The following PSD3 variants were observed in gnomAD, a reference collection of about 807,000 sequenced individuals.
The protein encoded by PSD3 is PH and SEC7 domain-containing protein 3.
PSD3 carries 49 observed loss-of-function variants against 105.5 expected under a neutral mutation model. The observed-to-expected ratio is 0.46, with a 90% CI of 0.37 to 0.59. The LOEUF (loss-of-function observed/expected upper bound fraction) is 0.59. PSD3 is among the 20% of genes least tolerant of loss of function. The pLI is 0.00. For synonymous variants in PSD3, 557 were observed against 457.8 expected, an observed-to-expected ratio of 1.22 and a Z score of -2.77; for missense variants, 1,561 against 1,263.8, an observed-to-expected ratio of 1.24 and a Z score of -3.57.
chr8:18,529,565 C>T lies in PSD3; in HGVS notation c.*6178G>A, dbSNP rs193069289. 2.6e-5 allele frequency: 4 copies of T among 152,742 alleles called. No homozygotes were observed. In the East Asian group the frequency reaches 7.7e-4, roughly 29 times the overall value. The allele number at this position is 152,742 out of a possible 1,614,324, so 9.5% of individuals were successfully genotyped here. ...GGTTACCCTAAATGGAAAGCAACCACTTTACTGTCCCCTAAGCTTCAATTT... is the reference window on the plus strand; with the variant it reads ...GGTTACCCTAAATGGAAAGCAACCATTTTACTGTCCCCTAAGCTTCAATTT... On this transcript the variant is annotated 3_prime_UTR_variant, in exon 16 of 16. Transcript: ENST00000327040.
chr8:18,752,530 T>TA lies in PSD3; in HGVS notation c.2172+12918_2172+12919insT, dbSNP rs543288863. Among the ~76,000 whole-genome samples, 620 of 47,930 alleles carry TA rather than the reference T, an allele frequency of 0.013. 12 individuals carry two copies. In the East Asian group the frequency reaches 0.16, roughly 12 times the overall value. The allele number at this position is 47,930 out of a possible 152,430, so 31.4% of individuals were successfully genotyped here. A position where few individuals can be genotyped will look rare whatever the true frequency, so the allele number is the denominator to read the frequency against. On this transcript the variant is annotated intron_variant, in intron 9 of 15. Transcript: ENST00000327040. Reference sequence around the variant, plus strand: ...TATATAATATATGTAATATATATAATTATATATTATATATATTATATATAA... The same window carrying TA: ...TATATAATATATGTAATATATATAATATATATATTATATATATTATATATAA...
At chr8:18,946,662 G>A (rs1822872520) in intron 1 of PSD3, among the ~76,000 whole-genome samples, 2 of 151,980 alleles carry the variant, frequency 1.3e-5, no homozygotes, top group South Asian at 4.1e-4. Context: ...CATTTTGGGA[G>A]GCCGAGGTGG....
At chr8:18,792,730 A>G (rs943495454) in intron 8 of PSD3, among the ~76,000 whole-genome samples, 4 of 152,202 alleles carry the variant, frequency 2.6e-5, no homozygotes, top group African/African-American at 9.6e-5. Flanking sequence ...TGTTGGTGGG[A>G]CTGTAAACTA....
At chr8:18,968,891 A>G (rs1316091946) in intron 1 of PSD3, among the ~76,000 whole-genome samples, 1 of 151,104 alleles carries the variant, frequency 6.6e-6, no homozygotes, top group East Asian at 1.9e-4. Flanking sequence ...AAAAAAAAAA[A>G]AAAAAAAAAA....
chr8:18,804,360 T>A (rs918488736), intron 6 of PSD3, 162 bp downstream of exon 6: 30 of 606,256 alleles, frequency 4.9e-5, no homozygotes, highest in African/African-American at 4.4e-4. Flanking sequence ...AAATCCAAAA[T>A]CCACAACACT....
intron 8 of PSD3, among the ~76,000 whole-genome samples, chr8:18,778,686 T>A (rs1273636371): frequency 6.6e-6 from 1 of 151,912 alleles, no homozygotes; most frequent in Non-Finnish European, 1.5e-5. Flanking sequence ...AACCCTTTTT[T>A]TGCATTTGAG....
chr8:18,540,364 A>T (rs760091598), intron 15 of PSD3, among the ~76,000 whole-genome samples: 1 of 152,136 alleles, frequency 6.6e-6, no homozygotes. Flanking sequence ...TTATTGCAAT[A>T]CTCTGGAACT....
rs148132488 is a variant in PSD3 at position 18,841,561 on chromosome 8, G to A, written c.1634+26113C>T. On this transcript the variant is annotated intron_variant, in intron 4 of 15. Coordinates refer to ENST00000327040, the MANE Select transcript of PSD3 (RefSeq NM_015310.4). Reference sequence around the variant, plus strand: ...GGGGCTCTCTAGGTCTCATGTGGAAGAGCAGGCATTGTTTGAAGTGGGTAA... The same window carrying A: ...GGGGCTCTCTAGGTCTCATGTGGAAAAGCAGGCATTGTTTGAAGTGGGTAA... Among the ~76,000 whole-genome samples the A allele has an allele frequency of 2.4e-4, 36 of 152,276 alleles. No individual in the cohort carries two copies. The East Asian group carries it at 4.1e-3, about 17-fold the overall frequency.
chr8:18,673,680 T>A (rs115862042), intron 9 of PSD3, among the ~76,000 whole-genome samples: 1 of 152,156 alleles, frequency 6.6e-6, no homozygotes, highest in Non-Finnish European at 1.5e-5. Flanking sequence ...TGAGAAAAAG[T>A]ACATGAGAAA....
At position 19,006,642 on chromosome 8, in the gene PSD3, T is replaced by C. The variant is rs550182618; in HGVS notation, c.21+6921A>G. Among the ~76,000 whole-genome samples the C allele has an allele frequency of 4.5e-4, 69 of 152,222 alleles. 1 individual carries two copies. The highest frequency in any genetic ancestry group is 1.6e-3 in the African/African-American group (66 of 41,564). On this transcript the variant is annotated intron_variant, in intron 1 of 15. Transcript: ENST00000327040. The stretch of plus-strand genomic sequence containing the variant: ...CTTGTCACTACAGAGTATTTGGGGA[T>C]AAAGAGTAAGACCTTTTTCCTCTGT...
chr8:18,828,069 T>TATA (rs534987630), intron 4 of PSD3, among the ~76,000 whole-genome samples: 17 of 97,896 alleles, frequency 1.7e-4, no homozygotes, highest in South Asian at 7.4e-4. Flanking sequence ...ATATATATAT[T>TATA]TTTTTTTTTT....
chr8:18,723,630 G>C (rs991154473), intron 9 of PSD3, among the ~76,000 whole-genome samples: 1 of 152,128 alleles, frequency 6.6e-6, no homozygotes, highest in East Asian at 1.9e-4. Flanking sequence ...TCTCTCCCGA[G>C]GCCTTCCATA....
At chr8:19,060,765 A>G (rs548714172) in intron 1 of PSD3, among the ~76,000 whole-genome samples, 5 of 152,338 alleles carry the variant, frequency 3.3e-5, no homozygotes, top group African/African-American at 1.2e-4. Context: ...ATTCTTCTTT[A>G]TGATTCCCTC....
intron 1 of PSD3, among the ~76,000 whole-genome samples, chr8:19,005,287 A>T (rs1216475506): frequency 6.6e-6 from 1 of 152,024 alleles, no homozygotes; most frequent in African/African-American, 2.4e-5. Flanking sequence ...GTACTAACAC[A>T]TGCTACTTCA....
intron 8 of PSD3, chr8:18,775,012 G>C (rs1050194907): frequency 1.5e-5 from 7 of 455,306 alleles, no homozygotes; most frequent in South Asian, 1.1e-4. Context: ...AATCCCCTGT[G>C]CCCCTCCTCC....
chr8:18,770,515 C>A (rs758536228), intron 8 of PSD3, among the ~76,000 whole-genome samples: 17 of 152,202 alleles, frequency 1.1e-4, no homozygotes, highest in Non-Finnish European at 2.5e-4. Context: ...AGTATATGAG[C>A]ACTGGAGTCA....
chr8:18,701,950 T>C (rs1801608378), intron 9 of PSD3, among the ~76,000 whole-genome samples: 1 of 152,226 alleles, frequency 6.6e-6, no homozygotes. Flanking sequence ...CTTGGGATTT[T>C]TGCCTACAAA....
intron 8 of PSD3, among the ~76,000 whole-genome samples, chr8:18,768,803 G>T (rs1039295199): frequency 6.6e-6 from 1 of 151,988 alleles, no homozygotes; most frequent in Non-Finnish European, 1.5e-5. Flanking sequence ...TGACATTTTT[G>T]TTGTTGTTGT....
rs1321321769 is a variant in PSD3, at chr8:18,600,369, G to C, written c.2476C>G (p.Gln826Glu). Residue 826 changes from glutamine to glutamate, a missense_variant, in exon 12 of 16, where the codon CAA (glutamine) becomes GAA (glutamate). Coordinates refer to ENST00000327040, the MANE Select transcript of PSD3 (RefSeq NM_015310.4). ...TTTATCTGCTTTACTTTTACCTTTT[G>C]CAAGTAAAGAACTGTTCCCTTCAGT... is the stretch of plus-strand genomic sequence containing the variant. ...AVLKGTVLYLQKDEYKPEKAL... is the reference protein window; with the variant it reads ...AVLKGTVLYLEKDEYKPEKAL... The C allele has an allele frequency of 1.2e-6, 2 of 1,608,472 alleles. No individual in the cohort carries two copies. The highest frequency in any genetic ancestry group is 1.7e-6 in the Non-Finnish European group (2 of 1,177,394).
Sources: allele counts gnomAD v4.1 joint callset (sites outside exome capture counted in the v4.1 genomes callset), GRCh38; gene constraint gnomAD v4.1.1; transcripts MANE v1.5; gene names NCBI Gene and HGNC (gene_info 2026-07-23, HGNC 2026-07-21).